Variants in UGT3A1 observed in about 807,000 individuals in gnomAD.
The protein encoded by UGT3A1 is UDP-glycosyltransferase 3A1.
UGT3A1 carries 40 observed loss-of-function variants against 37.6 expected under a neutral mutation model. That is an observed-to-expected ratio of 1.06 (90% CI 0.83 to 1.38). The LOEUF (loss-of-function observed/expected upper bound fraction) is 1.38. Among genes scored for constraint, UGT3A1 ranks in the 40% most tolerant of loss-of-function variants. The pLI is 0.00. For missense variants in UGT3A1, 642 were observed against 634.2 expected, an observed-to-expected ratio of 1.01 and a Z score of -0.13; for synonymous variants, 256 against 232.3, an observed-to-expected ratio of 1.10 and a Z score of -0.93.
chr5:35,954,847 A>G (rs1739293207), intron 6 of UGT3A1: 1 of 202,214 alleles, frequency 4.9e-6, no homozygotes, highest in Non-Finnish European at 1.0e-5. Flanking sequence ...TTCTGAAACC[A>G]TAATAAGGTA....
chr5:35,974,943 A>G (rs1414855334), intron 2 of UGT3A1, among the ~76,000 whole-genome samples: 1 of 152,212 alleles, frequency 6.6e-6, no homozygotes, highest in Non-Finnish European at 1.5e-5. Context: ...ATCATCATGG[A>G]CTTGCAAGGA....
intron 4 of UGT3A1, among the ~76,000 whole-genome samples, chr5:35,963,979 C>A (rs1739694235): frequency 1.3e-5 from 2 of 152,124 alleles, no homozygotes; most frequent in African/African-American, 4.8e-5. Context: ...TTGTTTAATG[C>A]ATAGGAAGTT....
At chr5:35,957,160 G>A in intron 5 of UGT3A1, 28 bp downstream of exon 5, 2 of 1,597,714 alleles carry the variant, frequency 1.3e-6, no homozygotes, top group Non-Finnish European at 1.7e-6. Context: ...TCAATGGAAA[G>A]AGAAGAGCAG....
At chr5:36,000,078 TG>T (rs1741185415) in intron 1 of UGT3A1, among the ~76,000 whole-genome samples, 2 of 152,180 alleles carry the variant, frequency 1.3e-5, no homozygotes, top group Non-Finnish European at 2.9e-5. Context: ...TCAGGCCTGG[TG>T]GAGAGGCCCA....
intron 2 of UGT3A1, among the ~76,000 whole-genome samples, chr5:35,982,660 C>G (rs924625760): frequency 6.6e-6 from 1 of 152,166 alleles, no homozygotes; most frequent in East Asian, 1.9e-4. Context: ...TGGACTTGTA[C>G]TTTTGAATTA....
intron 3 of UGT3A1, among the ~76,000 whole-genome samples, chr5:35,967,037 AT>A (rs1467292921): frequency 2.6e-5 from 4 of 152,232 alleles, no homozygotes; most frequent in Non-Finnish European, 5.9e-5. Flanking sequence ...CATTAATCAT[AT>A]TTCAAGTAAA....
rs373054835 is a variant in UGT3A1, at chr5:35,954,283, C to G, written c.1491G>C (p.Leu497=). 3.8e-5 allele frequency: 62 copies of G among 1,614,038 alleles called. No individual in the cohort carries two copies. Among genetic ancestry groups the G allele is most frequent in the Non-Finnish European group, 5.0e-5 (59 of 1,180,028 alleles). Residue 497 remains leucine (L), a synonymous_variant, in exon 7 of 7, where the codon CTG becomes CTC. Coordinates refer to ENST00000274278, the MANE Select transcript of UGT3A1 (RefSeq NM_152404.4). ...GCTTCCCACAAAGCCACATAGTGCC[C>G]AGAGTGAGCCCCAGCAGAAACACAA... The part of the protein sequence containing the change: ...DVFVFLLGLT[L]GTMWLCGKLL...
At chr5:35,958,967 G>A (rs1481229690) in intron 4 of UGT3A1, among the ~76,000 whole-genome samples, 2 of 152,244 alleles carry the variant, frequency 1.3e-5, no homozygotes, top group Admixed American at 6.5e-5. Flanking sequence ...ACGTATGAAA[G>A]CTTAAGGGAT....
intron 2 of UGT3A1, among the ~76,000 whole-genome samples, chr5:35,987,253 A>G (rs745485815): frequency 1.1e-4 from 16 of 152,172 alleles, no homozygotes; most frequent in African/African-American, 3.9e-4. Flanking sequence ...TCCTACTTTC[A>G]GAGCTCTACC....
chr5:35,970,178 C>A (rs1561462690), intron 2 of UGT3A1, among the ~76,000 whole-genome samples: 1 of 152,104 alleles, frequency 6.6e-6, no homozygotes, highest in Non-Finnish European at 1.5e-5. Flanking sequence ...ATCATGAGGT[C>A]AGGAGATCAA....
At chr5:35,969,418 A>T (rs961714352) in intron 2 of UGT3A1, among the ~76,000 whole-genome samples, 4 of 152,184 alleles carry the variant, frequency 2.6e-5, no homozygotes, top group Non-Finnish European at 5.9e-5. Context: ...CCTTGCTGAT[A>T]CTCATTGGAA....
rs1561454352 is a variant in UGT3A1 at position 35,957,236 on chromosome 5, C to T, written c.1027G>A (p.Ala343Thr). Residue 343 changes from alanine to threonine, a missense_variant, in exon 5 of 7, where the codon GCC (alanine) becomes ACC (threonine). Transcript: ENST00000274278. The stretch of plus-strand genomic sequence containing the variant: ...CAGTCCACAATTTTCACATTTGTGG[C>T]CAAATGAACATCTCTGGGCCAATGA... ...SSHWPRDVHL[A>T]TNVKIVDWLP... 1 of 1,614,120 alleles carries T rather than the reference C, an allele frequency of 6.2e-7. No individual in the cohort carries two copies. Among genetic ancestry groups the T allele is most frequent in the Non-Finnish European group, 8.5e-7 (1 of 1,180,008 alleles).
chr5:35,969,025 C>G (rs773420466), intron 2 of UGT3A1, among the ~76,000 whole-genome samples: 10 of 152,162 alleles, frequency 6.6e-5, no homozygotes, highest in Non-Finnish European at 1.5e-4. Context: ...CTGTGGTTGA[C>G]AGTAACTCAG....
rs368210462 is a variant in UGT3A1, at chr5:35,988,524, C to T, written c.122G>A (p.Arg41Gln). The T allele has an allele frequency of 1.0e-4, 163 of 1,612,668 alleles. No homozygotes were observed. Among genetic ancestry groups the T allele is most frequent in the Admixed American group, 2.2e-4 (13 of 59,888 alleles). ...LGGSHYLLLD[R>Q]VSQILQEHGH... Reference sequence around the variant, plus strand: ...ATGCTCTTGAAGAATCTGAGACACCCGGTCCAACAGTAGGTAATGGCTTCC... The same window carrying T: ...ATGCTCTTGAAGAATCTGAGACACCTGGTCCAACAGTAGGTAATGGCTTCC... The change falls in exon 2 of 7, where the codon CGG becomes CAG. Residue 41 changes from arginine (R) to glutamine (Q), a missense_variant. Transcript: ENST00000274278.
chr5:35,963,517 AC>A (rs1489556394), intron 4 of UGT3A1, among the ~76,000 whole-genome samples: 2 of 152,164 alleles, frequency 1.3e-5, no homozygotes, highest in African/African-American at 4.8e-5. Context: ...GGGAAAAGGA[AC>A]CCTCTCGATT....
intron 2 of UGT3A1, among the ~76,000 whole-genome samples, chr5:35,980,986 C>T (rs1740499089): frequency 6.6e-6 from 1 of 152,176 alleles, no homozygotes; most frequent in South Asian, 2.1e-4. Context: ...AAAGTCAAAA[C>T]TGACCTGCTG....
chr5:35,964,942 G>T (rs1013830875), intron 4 of UGT3A1, among the ~76,000 whole-genome samples: 12 of 152,198 alleles, frequency 7.9e-5, no homozygotes, highest in African/African-American at 2.4e-4. Context: ...AACACTGTCA[G>T]TTCTTGCTGT....
At chr5:35,964,093 ATGGT>A (rs71850717) in intron 4 of UGT3A1, among the ~76,000 whole-genome samples, 81,513 of 151,008 alleles carry the variant, frequency 0.54, 21,869 homozygotes, top group South Asian at 0.65. Context: ...ACCCTTAAAA[ATGGT>A]TAAAGTGGTA....
At chr5:35,981,980 T>C (rs1740542071) in intron 2 of UGT3A1, among the ~76,000 whole-genome samples, 1 of 152,222 alleles carries the variant, frequency 6.6e-6, no homozygotes, top group African/African-American at 2.4e-5. Flanking sequence ...GAGGCCCAGG[T>C]ACAGCTAAGT....
Sources: gnomAD v4.1 joint callset for allele counts (sites outside exome capture counted in the v4.1 genomes callset) on GRCh38, gnomAD v4.1.1 for gene constraint, MANE v1.5 for transcripts, NCBI Gene and HGNC (gene_info 2026-07-23, HGNC 2026-07-21) for gene names.